FHIT: variants seen among roughly 807,000 people sequenced by gnomAD.
FHIT encodes bis(5'-adenosyl)-triphosphatase.
FHIT carries 19 observed loss-of-function variants against 17.9 expected under a neutral mutation model. That is an observed-to-expected ratio of 1.06 (90% CI 0.74 to 1.56). FHIT has a LOEUF of 1.56. FHIT is among the 40% of genes most tolerant of loss of function. FHIT has a pLI of 0.00. For missense variants in FHIT, 248 were observed against 189.2 expected, an observed-to-expected ratio of 1.31 and a Z score of -1.82; for synonymous variants, 81 against 69.7, an observed-to-expected ratio of 1.16 and a Z score of -0.81.
intron 8 of FHIT, among the ~76,000 whole-genome samples, chr3:59,796,407 T>C (rs1699780927): frequency 6.6e-6 from 1 of 152,158 alleles, no homozygotes; most frequent in African/African-American, 2.4e-5. Context: ...TGACACTCTG[T>C]TTCCAGGTTT....
intron 5 of FHIT, among the ~76,000 whole-genome samples, chr3:60,289,799 A>T (rs1707898754): frequency 6.8e-6 from 1 of 146,630 alleles, no homozygotes; most frequent in African/African-American, 2.5e-5. Flanking sequence ...AAGGAATGAG[A>T]GTGTAGCTGC....
chr3:61,016,809 G>A (rs1260512253), intron 3 of FHIT, among the ~76,000 whole-genome samples: 1 of 152,200 alleles, frequency 6.6e-6, no homozygotes, highest in African/African-American at 2.4e-5. Context: ...TTCATGTGAA[G>A]CATACAGGCA....
chr3:61,191,297 G>A (rs2038709712), intron 2 of FHIT, among the ~76,000 whole-genome samples: 1 of 152,102 alleles, frequency 6.6e-6, no homozygotes, highest in Non-Finnish European at 1.5e-5. Flanking sequence ...GAGGAGAATG[G>A]AGAAATTTGC....
At chr3:59,759,782 C>T (rs1337434944) in intron 8 of FHIT, among the ~76,000 whole-genome samples, 4 of 152,040 alleles carry the variant, frequency 2.6e-5, no homozygotes, top group East Asian at 1.9e-4. Flanking sequence ...AGCAGACTGG[C>T]GCCCACGCTG....
In FHIT at chr3:60,351,083, C is replaced by CA. The variant is rs71930476; in HGVS notation, c.103+185776dup. On this transcript the variant is annotated intron_variant, in intron 5 of 9. Coordinates refer to ENST00000492590, the MANE Select transcript of FHIT (RefSeq NM_002012.4). ...ATTGCAGCCTGGTAGGACACTGAAGCAAAAAAAAGCCATTAACCCATGTCT... is the reference window on the plus strand; with the variant it reads ...ATTGCAGCCTGGTAGGACACTGAAGCAAAAAAAAAGCCATTAACCCATGTCT... Among the ~76,000 whole-genome samples the CA allele has an allele frequency of 2.8e-3, 426 of 151,186 alleles. 5 individuals are homozygous for CA. Among genetic ancestry groups the CA allele is most frequent in the African/African-American group, 9.6e-3 (397 of 41,224 alleles).
At chr3:60,094,815 G>C (rs1017097594) in intron 5 of FHIT, among the ~76,000 whole-genome samples, 11 of 91,774 alleles carry the variant, frequency 1.2e-4, no homozygotes, top group African/African-American at 3.5e-4. Context: ...GAGAGAGAGA[G>C]AGAAGAAGAG....
At chr3:61,120,288 A>G (rs2036419028) in intron 2 of FHIT, among the ~76,000 whole-genome samples, 1 of 152,354 alleles carries the variant, frequency 6.6e-6, no homozygotes, top group African/African-American at 2.4e-5. Context: ...GTTGTCACTT[A>G]TATAACAAAC....
chr3:61,200,049 C>T (rs971792113), intron 2 of FHIT, among the ~76,000 whole-genome samples: 10 of 152,142 alleles, frequency 6.6e-5, no homozygotes, highest in Non-Finnish European at 1.3e-4. Flanking sequence ...CGAGTAGGTA[C>T]TTTTCCCATT....
At chr3:60,380,999 T>C (rs531835626) in intron 5 of FHIT, among the ~76,000 whole-genome samples, 1 of 152,192 alleles carries the variant, frequency 6.6e-6, no homozygotes, top group Non-Finnish European at 1.5e-5. Context: ...CTTACTGATA[T>C]GACCAAGACC....
intron 4 of FHIT, among the ~76,000 whole-genome samples, chr3:60,546,412 T>C (rs1165410543): frequency 6.6e-6 from 1 of 152,196 alleles, no homozygotes; most frequent in Non-Finnish European, 1.5e-5. Context: ...AGTATATTCC[T>C]ACCTCCTTTC....
At chr3:60,257,524 T>C (rs1016421092) in intron 5 of FHIT, among the ~76,000 whole-genome samples, 2 of 152,150 alleles carry the variant, frequency 1.3e-5, no homozygotes, top group African/African-American at 4.8e-5. Flanking sequence ...GTGTTCAACA[T>C]AATAGCTGCT....
chr3:60,108,622 T>C (rs1704529889), intron 5 of FHIT, among the ~76,000 whole-genome samples: 1 of 152,018 alleles, frequency 6.6e-6, no homozygotes, highest in Non-Finnish European at 1.5e-5. Flanking sequence ...TTATACCTTG[T>C]GCTTAGCATT....
At chr3:59,817,668 T>C (rs552509356) in intron 8 of FHIT, among the ~76,000 whole-genome samples, 1 of 152,200 alleles carries the variant, frequency 6.6e-6, no homozygotes, top group Non-Finnish European at 1.5e-5. Context: ...TCCAGCCTTT[T>C]AAAGGCACAG....
rs556502921 is a variant in FHIT, at chr3:59,899,355, G to A, written c.348+22991C>T. Among the ~76,000 whole-genome samples, 3 of 152,308 alleles carry A rather than the reference G, an allele frequency of 2.0e-5. No homozygotes were observed. The South Asian group carries it at 6.2e-4, about 32-fold the overall frequency. On this transcript the variant is annotated intron_variant, in intron 8 of 9. Transcript: ENST00000492590. ...CATCTGGAGTAGGGAGGCATGGAAA[G>A]GACTGAACTCTCTTAAGGTAAATAA...
intron 5 of FHIT, among the ~76,000 whole-genome samples, chr3:60,481,655 TG>T (rs1447047724): frequency 6.6e-6 from 1 of 152,192 alleles, no homozygotes; most frequent in Non-Finnish European, 1.5e-5. Flanking sequence ...AGGCCTGCCT[TG>T]CATGAGATTC....
chr3:59,953,440 G>A (rs1707225870), intron 7 of FHIT, among the ~76,000 whole-genome samples: 1 of 152,076 alleles, frequency 6.6e-6, no homozygotes, highest in South Asian at 2.1e-4. Context: ...TTTCAAATAT[G>A]TTAGCCGCAC....
chr3:60,264,878 G>A (rs1395950233), intron 5 of FHIT, among the ~76,000 whole-genome samples: 1 of 151,804 alleles, frequency 6.6e-6, no homozygotes, highest in African/African-American at 2.4e-5. Context: ...CCTGCAAGGA[G>A]CGTTTTCTAA....
chr3:60,559,232 G>C (rs1559539078), intron 4 of FHIT, among the ~76,000 whole-genome samples: 1 of 152,120 alleles, frequency 6.6e-6, no homozygotes, highest in Non-Finnish European at 1.5e-5. Context: ...ATTAATATAA[G>C]ACAAAATAAA....
At chr3:60,563,651 T>C (rs1418745809) in intron 4 of FHIT, among the ~76,000 whole-genome samples, 5 of 152,128 alleles carry the variant, frequency 3.3e-5, no homozygotes, top group Admixed American at 2.0e-4. Flanking sequence ...TAGGGAGAGT[T>C]TGAGTGGTCT....
Sources: allele counts gnomAD v4.1 joint callset (sites outside exome capture counted in the v4.1 genomes callset), GRCh38; gene constraint gnomAD v4.1.1; transcripts MANE v1.5; gene names NCBI Gene and HGNC (gene_info 2026-07-23, HGNC 2026-07-21).